CCDC192: variants seen among roughly 807,000 people sequenced by gnomAD.
The protein encoded by CCDC192 is coiled-coil domain containing 192.
chr5:127,808,112 A>G (rs1849938), intron 5 of CCDC192, among the ~76,000 whole-genome samples: 42,493 of 152,028 alleles, frequency 0.28, 6,720 homozygotes, highest in South Asian at 0.43. Flanking sequence ...GCTTGATTTT[A>G]TTCCATGGAT....
intron 2 of CCDC192, among the ~76,000 whole-genome samples, chr5:127,723,665 T>C (rs1361303623): frequency 2.0e-5 from 3 of 152,226 alleles, no homozygotes; most frequent in Non-Finnish European, 2.9e-5. Context: ...CTAGCCTTTC[T>C]CTTTGAGAGG....
intron 6 of CCDC192, among the ~76,000 whole-genome samples, chr5:127,893,264 A>T (rs1752782669): frequency 6.6e-6 from 1 of 152,228 alleles, no homozygotes. Context: ...ATCCCAGCTC[A>T]GTCACTCAGA....
intron 2 of CCDC192, chr5:127,740,178 G>T (rs1021894295): frequency 1.3e-5 from 2 of 152,208 alleles, no homozygotes; most frequent in Admixed American, 6.5e-5. Context: ...AGGTACAATG[G>T]TGTTCTCATT....
chr5:127,745,048 T>C (rs1356403817), intron 2 of CCDC192, among the ~76,000 whole-genome samples: 1 of 152,216 alleles, frequency 6.6e-6, no homozygotes, highest in Non-Finnish European at 1.5e-5. Context: ...AAGGACTGCC[T>C]GCTCTGGTAC....
intron 6 of CCDC192, among the ~76,000 whole-genome samples, chr5:127,901,202 A>C (rs1362382162): frequency 1.3e-5 from 2 of 152,252 alleles, no homozygotes; most frequent in East Asian, 3.8e-4. Context: ...GATGAAATTC[A>C]TTCCACATTG....
At chr5:127,919,257 A>G (rs1393639911) in intron 6 of CCDC192, among the ~76,000 whole-genome samples, 1 of 152,126 alleles carries the variant, frequency 6.6e-6, no homozygotes, top group East Asian at 1.9e-4. Flanking sequence ...ACTATCTCTG[A>G]CAATATCTGA....
intron 6 of CCDC192, among the ~76,000 whole-genome samples, chr5:127,909,466 G>A (rs563456780): frequency 1.3e-3 from 190 of 150,876 alleles, no homozygotes; most frequent in African/African-American, 4.5e-3. Flanking sequence ...CTTCAAAATG[G>A]GTTGCATTTA....
At chr5:127,733,140 G>A (rs1474029174) in intron 2 of CCDC192, among the ~76,000 whole-genome samples, 2 of 152,116 alleles carry the variant, frequency 1.3e-5, no homozygotes, top group African/African-American at 4.8e-5. Flanking sequence ...TTTGCTCTTA[G>A]TTTATGCATA....
intron 5 of CCDC192, among the ~76,000 whole-genome samples, chr5:127,871,108 A>G (rs1751839543): frequency 6.6e-6 from 1 of 152,210 alleles, no homozygotes; most frequent in Admixed American, 6.5e-5. Flanking sequence ...AGCAAGAGGC[A>G]GTGCCTTGGA....
chr5:127,806,503 C>G (rs1032149023), intron 5 of CCDC192, among the ~76,000 whole-genome samples: 4 of 152,044 alleles, frequency 2.6e-5, no homozygotes, highest in Admixed American at 2.0e-4. Context: ...TTTATAAATA[C>G]CTATTAGCTA....
chr5:127,715,940 AATT>A (rs1451277671), intron 2 of CCDC192, among the ~76,000 whole-genome samples: 5 of 152,178 alleles, frequency 3.3e-5, no homozygotes, highest in Non-Finnish European at 7.4e-5. Flanking sequence ...TGTTGAATAA[AATT>A]AGTAAAAGTG....
chr5:127,856,328 A>C (rs1252932375), intron 5 of CCDC192, among the ~76,000 whole-genome samples: 3 of 152,198 alleles, frequency 2.0e-5, no homozygotes, highest in Non-Finnish European at 4.4e-5. Context: ...TTACTCTCTC[A>C]GCCTTCCTAG....
At chr5:127,859,288 A>T (rs1183896447) in intron 5 of CCDC192, among the ~76,000 whole-genome samples, 1 of 152,222 alleles carries the variant, frequency 6.6e-6, no homozygotes, top group East Asian at 1.9e-4. Flanking sequence ...CATGTTTGTT[A>T]ATATTTAACT....
intron 2 of CCDC192, among the ~76,000 whole-genome samples, chr5:127,726,649 A>G (rs1752340201): frequency 6.6e-6 from 1 of 152,186 alleles, no homozygotes; most frequent in Non-Finnish European, 1.5e-5. Flanking sequence ...GCTGTGGCAG[A>G]TCATGACCAG....
chr5:127,709,248 A>AGAGAGAGAGAGAG (rs1751182641), intron 2 of CCDC192, among the ~76,000 whole-genome samples: 6 of 135,442 alleles, frequency 4.4e-5, no homozygotes, highest in South Asian at 4.8e-4. Context: ...AGAGAGAGAG[A>AGAGAGAGAGAGAG]AATGCTACAC....
intron 3 of CCDC192, among the ~76,000 whole-genome samples, chr5:127,781,389 G>A (rs1388455585): frequency 6.6e-6 from 1 of 152,012 alleles, no homozygotes; most frequent in South Asian, 2.1e-4. Flanking sequence ...ATTTTGATGG[G>A]AATTGTGTTG....
chr5:127,869,855 AATAAG>A (rs1751773298), intron 5 of CCDC192, among the ~76,000 whole-genome samples: 2 of 152,182 alleles, frequency 1.3e-5, no homozygotes, highest in Non-Finnish European at 2.9e-5. Context: ...TGCAACATAA[AATAAG>A]ATGAGTTGGG....
At chr5:127,873,253 A>G (rs950277239) in intron 5 of CCDC192, among the ~76,000 whole-genome samples, 9 of 152,250 alleles carry the variant, frequency 5.9e-5, no homozygotes, top group African/African-American at 2.2e-4. Context: ...TCTGCATATG[A>G]ATAGTTGTGA....
intron 2 of CCDC192, among the ~76,000 whole-genome samples, chr5:127,719,568 C>T (rs9918146): frequency 0.23 from 4,185 of 18,118 alleles, 419 homozygotes; most frequent in African/African-American, 0.36. Context: ...TACACACATA[C>T]ATATATATAT....
Sources: gnomAD v4.1 joint callset for allele counts (sites outside exome capture counted in the v4.1 genomes callset) on GRCh38, gnomAD v4.1.1 for gene constraint, MANE v1.5 for transcripts, NCBI Gene and HGNC (gene_info 2026-07-23, HGNC 2026-07-21) for gene names.